OPCML: variants seen among roughly 807,000 people sequenced by gnomAD.
OPCML encodes the protein opioid-binding protein/cell adhesion molecule.
A neutral mutation model predicts 37.8 loss-of-function variants in OPCML; 13 were observed. That is an observed-to-expected ratio of 0.34 (90% CI 0.22 to 0.55). The LOEUF (loss-of-function observed/expected upper bound fraction) is 0.55, where lower values mean the gene tolerates loss of function less well. Ranked by LOEUF, OPCML falls within the 20% of genes least tolerant of loss-of-function variation. The probability of loss-of-function intolerance (pLI) is 0.91; values close to 1 mark genes in which losing one functional copy is unlikely to be tolerated. For missense variants in OPCML, 341 were observed against 435.6 expected, an observed-to-expected ratio of 0.78 and a Z score of 1.93; for synonymous variants, 176 against 168.8, an observed-to-expected ratio of 1.04 and a Z score of -0.33.
At chr11:132,497,244 G>T (rs960405410) in intron 4 of OPCML, among the ~76,000 whole-genome samples, 2 of 151,894 alleles carry the variant, frequency 1.3e-5, no homozygotes, top group African/African-American at 4.8e-5. Flanking sequence ...CTGTCGGAGT[G>T]GGGAGTGGGG....
chr11:133,157,195 C>T (rs952416055), intron 1 of OPCML, among the ~76,000 whole-genome samples: 10 of 152,210 alleles, frequency 6.6e-5, no homozygotes, highest in Non-Finnish European at 8.8e-5. Context: ...GGCGCGCACA[C>T]GGTGTACTGC....
In OPCML at chr11:133,469,214, G is replaced by A. The variant is rs146013553; in HGVS notation, c.61+63050C>T. ...TTTATGTTCCACATAATGATAGTTC[G>A]GCCAATGATGGACCACATATATGAT... On this transcript the variant is annotated intron_variant, in intron 1 of 7. Coordinates refer to ENST00000524381, the MANE Select transcript of OPCML (RefSeq NM_001012393.5). Among the ~76,000 whole-genome samples, 961 of 152,198 alleles carry A rather than the reference G, an allele frequency of 6.3e-3. 15 individuals carry two copies. Among genetic ancestry groups the A allele is most frequent in the African/African-American group, 0.022 (897 of 41,514 alleles).
At chr11:133,469,193 T>C (rs1270090684) in intron 1 of OPCML, among the ~76,000 whole-genome samples, 1 of 152,240 alleles carries the variant, frequency 6.6e-6, no homozygotes, top group Non-Finnish European at 1.5e-5. Flanking sequence ...GCTAAATTTA[T>C]GTTCCACATA....
intron 4 of OPCML, among the ~76,000 whole-genome samples, chr11:132,503,868 G>A (rs1201537260): frequency 2.6e-5 from 4 of 152,030 alleles, no homozygotes; most frequent in African/African-American, 2.4e-5. Context: ...AATGATCCAA[G>A]GACTGTATAT....
intron 1 of OPCML, among the ~76,000 whole-genome samples, chr11:133,289,722 G>A (rs139544632): frequency 9.1e-4 from 139 of 152,270 alleles, no homozygotes; most frequent in African/African-American, 3.2e-3. Flanking sequence ...TTGAGACAGC[G>A]GTGCTGAACT....
chr11:133,306,441 T>C (rs1942920607), intron 1 of OPCML, among the ~76,000 whole-genome samples: 1 of 152,210 alleles, frequency 6.6e-6, no homozygotes, highest in Admixed American at 6.5e-5. Flanking sequence ...GCGGTCACTC[T>C]AAAATTGACA....
chr11:132,917,160 A>G (rs114198501), intron 2 of OPCML, among the ~76,000 whole-genome samples: 1 of 152,148 alleles, frequency 6.6e-6, no homozygotes. Flanking sequence ...CTCTAGTCCA[A>G]TTGATTATTA....
chr11:133,362,401 G>A (rs1944443046), intron 1 of OPCML, among the ~76,000 whole-genome samples: 1 of 152,134 alleles, frequency 6.6e-6, no homozygotes, highest in Non-Finnish European at 1.5e-5. Context: ...CCTCCCCTCG[G>A]AGGCTGCCTC....
At chr11:132,456,220 A>G (rs1290136022) in intron 4 of OPCML, among the ~76,000 whole-genome samples, 1 of 152,200 alleles carries the variant, frequency 6.6e-6, no homozygotes, top group African/African-American at 2.4e-5. Context: ...ATTGTTCAGG[A>G]GAGCACAGTG....
rs1454802814 is a variant in OPCML, at chr11:132,437,227, A to G, written c.638T>C (p.Val213Ala). ...CTGGCTGCAGGTCCACTCACAGTTTACAGTGATTTTTACTTTCCGCACATC... is the reference window on the plus strand; with the variant it reads ...CTGGCTGCAGGTCCACTCACAGTTTGCAGTGATTTTTACTTTCCGCACATC... The part of the protein sequence containing the change: ...APDVRKVKIT[V>A]NYPPYISKAK... The change falls in exon 5 of 8, where the codon GTA becomes GCA. Residue 213 changes from valine to alanine, a missense_variant. Val to Ala is a moderately conservative substitution (Grantham distance 64). Coordinates refer to ENST00000524381, the MANE Select transcript of OPCML (RefSeq NM_001012393.5). 4 of 1,613,518 alleles carry G rather than the reference A, an allele frequency of 2.5e-6. No individual in the cohort carries two copies. Among genetic ancestry groups the G allele is most frequent in the Non-Finnish European group, 3.4e-6 (4 of 1,179,598 alleles).
intron 3 of OPCML, among the ~76,000 whole-genome samples, chr11:132,622,995 G>A (rs562728539): frequency 5.3e-5 from 8 of 152,156 alleles, no homozygotes; most frequent in South Asian, 2.1e-4. Flanking sequence ...GAGATAATGC[G>A]GAAGAAAGAA....
intron 1 of OPCML, among the ~76,000 whole-genome samples, chr11:132,960,045 C>A (rs1390824997): frequency 3.3e-5 from 5 of 152,104 alleles, no homozygotes; most frequent in Non-Finnish European, 7.3e-5. Flanking sequence ...TTGACCTTGA[C>A]CACAAAGATT....
chr11:132,456,378 A>T (rs564951801), intron 4 of OPCML, among the ~76,000 whole-genome samples: 1 of 152,346 alleles, frequency 6.6e-6, no homozygotes, highest in African/African-American at 2.4e-5. Context: ...AAGGCAGGAG[A>T]GGTCACACCG....
At chr11:133,083,245 G>C (rs1485448463) in intron 1 of OPCML, among the ~76,000 whole-genome samples, 2 of 152,184 alleles carry the variant, frequency 1.3e-5, no homozygotes, top group African/African-American at 4.8e-5. Context: ...CGGCGGGAGC[G>C]GGAGCCGCGG....
chr11:133,293,393 A>T (rs1320941937), intron 1 of OPCML, among the ~76,000 whole-genome samples: 3 of 152,240 alleles, frequency 2.0e-5, no homozygotes, highest in African/African-American at 7.2e-5. Context: ...GGCGAAGTCC[A>T]TGAGCCCTGA....
chr11:132,724,475 C>A (rs1264744592), intron 2 of OPCML, among the ~76,000 whole-genome samples: 1 of 152,074 alleles, frequency 6.6e-6, no homozygotes, highest in Non-Finnish European at 1.5e-5. Flanking sequence ...CCACCTGGTT[C>A]CTCCCACAAC....
intron 4 of OPCML, among the ~76,000 whole-genome samples, chr11:132,474,524 G>A (rs1322963685): frequency 6.6e-6 from 1 of 152,106 alleles, no homozygotes; most frequent in South Asian, 2.1e-4. Context: ...CATCTGCCCA[G>A]CTCAGCCTCA....
chr11:132,505,855 A>C (rs547638925), intron 4 of OPCML, among the ~76,000 whole-genome samples: 12 of 151,826 alleles, frequency 7.9e-5, no homozygotes, highest in Non-Finnish European at 1.3e-4. Context: ...AACAGAACCA[A>C]CCATTAAATA....
chr11:132,857,107 G>T (rs992132926), intron 2 of OPCML, among the ~76,000 whole-genome samples: 1 of 152,114 alleles, frequency 6.6e-6, no homozygotes, highest in Non-Finnish European at 1.5e-5. Flanking sequence ...CACCAGCAAT[G>T]AATGAGGGTT....
Sources: allele counts gnomAD v4.1 joint callset (sites outside exome capture counted in the v4.1 genomes callset), GRCh38; gene constraint gnomAD v4.1.1; transcripts MANE v1.5; gene names NCBI Gene and HGNC (gene_info 2026-07-23, HGNC 2026-07-21).